Variants in ANKS3 observed in about 807,000 individuals in gnomAD.
The protein encoded by ANKS3 is ankyrin repeat and sterile alpha motif domain containing 3.
Under a neutral mutation model 80.7 loss-of-function variants are expected in ANKS3, and 62 were observed. That is an observed-to-expected ratio of 0.77 (90% CI 0.63 to 0.95). The LOEUF (loss-of-function observed/expected upper bound fraction) is 0.95, where lower values mean the gene tolerates loss of function less well. Among genes scored for constraint, ANKS3 ranks in the 40% least tolerant of loss-of-function variants. The pLI, the probability that ANKS3 is intolerant of heterozygous loss-of-function variation, is 0.00. For synonymous variants in ANKS3, 489 were observed against 355.3 expected (o/e 1.38, Z -4.23); for missense variants, 1,150 against 883.6 (o/e 1.30, Z -3.82).
At chr16:4,730,506 T>C (rs569026085) in intron 2 of ANKS3, among the ~76,000 whole-genome samples, 4 of 152,306 alleles carry the variant, frequency 2.6e-5, no homozygotes, top group African/African-American at 7.2e-5. Flanking sequence ...GAAATGCTAA[T>C]TGGGTTGTTT....
intron 3 of ANKS3, 25 bp downstream of exon 3, chr16:4,729,955 G>C (rs748947895): frequency 1.9e-5 from 27 of 1,453,582 alleles, no homozygotes; most frequent in Non-Finnish European, 2.4e-5. Flanking sequence ...CAAAATGTGA[G>C]AGGAAGTTCC....
At position 4,709,595 on chromosome 16, in the gene ANKS3, AAT is replaced by A. The variant is rs533112969; in HGVS notation, c.710-4344_710-4343del. Among the ~76,000 whole-genome samples, 352 of 152,298 alleles carry A rather than the reference AAT, an allele frequency of 2.3e-3. 1 individual carries two copies. Among genetic ancestry groups the A allele is most frequent in the African/African-American group, 7.9e-3 (328 of 41,554 alleles). On this transcript the variant is annotated intron_variant, in intron 7 of 17. Coordinates refer to ENST00000304283, the MANE Select transcript of ANKS3 (RefSeq NM_133450.4). Reference sequence around the variant, plus strand: ...CATCAGTGGATGAACGAAGACAGAAAATGAGTTTATATACACAATTGAATATT... The same window carrying A: ...CATCAGTGGATGAACGAAGACAGAAAGAGTTTATATACACAATTGAATATT...
In ANKS3 at chr16:4,729,859, C is replaced by G. The variant is rs543842692; in HGVS notation, c.170+121G>C. The G allele has an allele frequency of 4.0e-6, 4 of 998,106 alleles. No homozygotes were observed. In the African/African-American group the frequency reaches 6.6e-5, roughly 17 times the overall value. The allele number at this position is 998,106 out of a possible 1,614,324, so 61.8% of individuals were successfully genotyped here. A position where few individuals can be genotyped will look rare whatever the true frequency, so the allele number is the denominator to read the frequency against. ...CTTACTGACAGCTGCCTGAGATAAG[C>G]AGGTTAACCTATTCTACACGCATTA... On this transcript the variant is annotated intron_variant, in intron 3 of 17. Transcript: ENST00000304283.
intron 7 of ANKS3, among the ~76,000 whole-genome samples, chr16:4,705,701 C>G (rs907591881): frequency 1.4e-4 from 22 of 151,980 alleles, no homozygotes; most frequent in Admixed American, 3.3e-4. Flanking sequence ...AACTCCTGAT[C>G]TGCCTGCCTT....
chr16:4,721,169 G>C (rs1158444736), intron 6 of ANKS3, among the ~76,000 whole-genome samples: 1 of 150,896 alleles, frequency 6.6e-6, no homozygotes, highest in African/African-American at 2.4e-5. Context: ...GCTGGGCATG[G>C]TGGCGGGCGC....
chr16:4,733,832 G>A, intron 1 of ANKS3, 106 bp downstream of exon 1: 2 of 710,004 alleles, frequency 2.8e-6, no homozygotes, highest in Non-Finnish European at 3.5e-6. Context: ...CCACAGAGGA[G>A]GTCTGTGAAA....
chr16:4,710,869 G>A (rs115176679), intron 7 of ANKS3, among the ~76,000 whole-genome samples: 1,793 of 152,206 alleles, frequency 0.012, 26 homozygotes, highest in African/African-American at 0.035. Context: ...CGTGATTTTG[G>A]CTTACTGCAA....
rs149221541 is a variant in ANKS3 at position 4,729,781 on chromosome 16, C to T, written c.170+199G>A. The T allele has an allele frequency of 5.9e-3, 2,696 of 459,144 alleles. 8 individuals carry two copies. The highest frequency in any genetic ancestry group is 7.6e-3 in the Non-Finnish European group (2,065 of 272,998). The allele number at this position is 459,144 out of a possible 1,614,324, so 28.4% of individuals were successfully genotyped here. On this transcript the variant is annotated intron_variant, in intron 3 of 17. Transcript: ENST00000304283. ...AGCTTCTGATCAAAGTTTACTCCCT[C>T]TTTTTCTTCCTAGGAATAAAAACGG... is the stretch of plus-strand genomic sequence containing the variant.
At chr16:4,701,380 A>G in intron 10 of ANKS3, 54 bp downstream of exon 10, 1 of 1,483,436 alleles carries the variant, frequency 6.7e-7, no homozygotes, top group Non-Finnish European at 9.1e-7. Flanking sequence ...GGGGGATGTC[A>G]GGCATCCCAG....
rs2079627651 is a variant in ANKS3 at position 4,697,453 on chromosome 16, T to C, written c.1811-37A>G. 6.7e-6 allele frequency: 10 copies of C among 1,501,054 alleles called. No individual in the cohort carries two copies. In the South Asian group the frequency reaches 1.2e-4, roughly 18 times the overall value. The allele number at this position is 1,501,054 out of a possible 1,614,324, so 93.0% of individuals were successfully genotyped here. On this transcript the variant is annotated intron_variant, in intron 15 of 17. Coordinates refer to ENST00000304283, the MANE Select transcript of ANKS3 (RefSeq NM_133450.4). ...GTGCAGGGACCGAGTTAGCTGGGGG[T>C]CTGCGTCCCCACAGGCCCTGCTTTA...
At chr16:4,710,423 C>T (rs1159273837) in intron 7 of ANKS3, among the ~76,000 whole-genome samples, 1 of 152,114 alleles carries the variant, frequency 6.6e-6, no homozygotes, top group Non-Finnish European at 1.5e-5. Flanking sequence ...TAAATATTTT[C>T]CAGGTCAGGT....
At chr16:4,698,748 A>T in intron 13 of ANKS3, 52 bp downstream of exon 13, 3 of 1,557,638 alleles carry the variant, frequency 1.9e-6, no homozygotes, top group Non-Finnish European at 1.7e-6. Context: ...TCAGAGATGG[A>T]GCCAACTCAC....
intron 6 of ANKS3, among the ~76,000 whole-genome samples, chr16:4,721,632 T>TGA (rs2081103714): frequency 6.2e-5 from 3 of 48,594 alleles, no homozygotes; most frequent in South Asian, 7.4e-4. Flanking sequence ...ATTGATTTAT[T>TGA]TATTTATTTA....
In ANKS3 at chr16:4,697,055, C is replaced by T; in HGVS notation, c.1944G>A (p.Leu648=). The change falls in exon 17 of 18, where the codon CTG becomes CTA. Residue 648 remains leucine (L), a synonymous_variant. Transcript: ENST00000304283. ...AGGTCTCCCGCCACTTCTTCCCGTT[C>T]AGCACCTGCAGCTTCTCCAGGCTCT... is the stretch of plus-strand genomic sequence containing the variant. ...VTQSLEKLQV[L]NGKKWRET is the part of the protein sequence containing the mutation. The T allele has an allele frequency of 3.1e-6, 5 of 1,613,916 alleles. No homozygotes were observed. Among genetic ancestry groups the T allele is most frequent in the Non-Finnish European group, 4.2e-6 (5 of 1,180,000 alleles).
chr16:4,701,889 G>T, intron 9 of ANKS3: 1 of 569,112 alleles, frequency 1.8e-6, no homozygotes, highest in East Asian at 3.3e-5. Context: ...TAAACCTGTT[G>T]CTGTGGAACG....
rs754276102 is a variant in ANKS3 at position 4,698,575 on chromosome 16, G to A, written c.1576C>T (p.Arg526Trp). 19 of 1,576,956 alleles carry A rather than the reference G, an allele frequency of 1.2e-5. No homozygotes were observed. Among genetic ancestry groups the A allele is most frequent in the South Asian group, 6.8e-5 (6 of 88,270 alleles). ...TCCTGCTCCTGACACACCTGGCCCC[G>A]CGTGGCCTCTACCTCCTCGCAGCGC... is the stretch of plus-strand genomic sequence containing the variant. ...HKRCEEVEAT[R>W]GQVCQEQELR... The change falls in exon 14 of 18, where the codon CGG (arginine) becomes TGG (tryptophan). Residue 526 changes from arginine to tryptophan, a missense_variant. Transcript: ENST00000304283.
chr16:4,698,968 G>A (rs963036118), intron 12 of ANKS3, 27 bp from the exon 13 acceptor site: 3 of 1,612,072 alleles, frequency 1.9e-6, no homozygotes, highest in Non-Finnish European at 2.5e-6. Context: ...ACCAGGATAT[G>A]CCTCAGCGTC....
chr16:4,717,056 A>C (rs2080842203), intron 6 of ANKS3, among the ~76,000 whole-genome samples: 1 of 149,790 alleles, frequency 6.7e-6, no homozygotes, highest in Admixed American at 6.7e-5. Flanking sequence ...ATGTGGGAAA[A>C]CGTGGTAAAA....
chr16:4,722,911 G>C (rs2081176823), intron 6 of ANKS3, among the ~76,000 whole-genome samples: 1 of 147,962 alleles, frequency 6.8e-6, no homozygotes, highest in Admixed American at 6.8e-5. Context: ...GGGCGACACA[G>C]CACAAGACTT....
Sources: allele counts gnomAD v4.1 joint callset (sites outside exome capture counted in the v4.1 genomes callset), GRCh38; gene constraint gnomAD v4.1.1; transcripts MANE v1.5; gene names NCBI Gene and HGNC (gene_info 2026-07-23, HGNC 2026-07-21).